SOX5: variants seen among roughly 807,000 people sequenced by gnomAD.
The protein encoded by SOX5 is transcription factor SOX-5.
SOX5 carries 9 observed loss-of-function variants against 92.0 expected under a neutral mutation model. The observed-to-expected ratio is 0.10, with a 90% CI of 0.06 to 0.17. The LOEUF is 0.17. Ranked by LOEUF, SOX5 falls within the 10% of genes least tolerant of loss-of-function variation. SOX5 has a pLI of 1.00. For synonymous variants in SOX5, 344 were observed against 336.3 expected (o/e 1.02, Z -0.25); for missense variants, 642 against 944.5 (o/e 0.68, Z 4.20).
At chr12:23,580,382 A>G (rs1949875165) in intron 9 of SOX5, among the ~76,000 whole-genome samples, 1 of 152,058 alleles carries the variant, frequency 6.6e-6, no homozygotes, top group Non-Finnish European at 1.5e-5. Flanking sequence ...GTGCAATAAA[A>G]TGATGTAATA....
At chr12:23,831,957 T>TAC (rs61053165) in intron 3 of SOX5, among the ~76,000 whole-genome samples, 87 of 142,838 alleles carry the variant, frequency 6.1e-4, no homozygotes, top group Middle Eastern at 3.5e-3. Flanking sequence ...AAAGGGGAAC[T>TAC]ACACACACAC....
At chr12:24,026,424 G>C (rs986275236) in intron 4 of SOX5, among the ~76,000 whole-genome samples, 6 of 151,846 alleles carry the variant, frequency 4.0e-5, no homozygotes, top group Non-Finnish European at 8.8e-5. Flanking sequence ...GTGAGGCCTT[G>C]ACCATAGAGA....
In SOX5 at chr12:24,192,442, T is replaced by C. The variant is rs529764834; in HGVS notation, c.-2+20901A>G. 5.3e-5 allele frequency among the ~76,000 whole-genome samples: 8 copies of C among 152,324 alleles called. No individual in the cohort carries two copies. In the South Asian group the frequency reaches 1.7e-3, roughly 32 times the overall value. Reference sequence around the variant, plus strand: ...TGTGTTTTCTGAACCAGATGAAGTATCTTCGAAAGTAATTCATCAAATGCA... The same window carrying C: ...TGTGTTTTCTGAACCAGATGAAGTACCTTCGAAAGTAATTCATCAAATGCA... On this transcript the variant is annotated intron_variant, in intron 4 of 4. Transcript: ENST00000446891.
intron 2 of SOX5, among the ~76,000 whole-genome samples, chr12:24,318,862 T>C (rs1171770779): frequency 6.6e-6 from 1 of 152,212 alleles, no homozygotes; most frequent in African/African-American, 2.4e-5. Context: ...TTTCATTTGC[T>C]TCCATTGATC....
intron 4 of SOX5, among the ~76,000 whole-genome samples, chr12:23,956,189 T>C (rs545331147): frequency 7.5e-4 from 114 of 152,314 alleles, no homozygotes; most frequent in South Asian, 2.3e-3. Context: ...ACAAATCTTA[T>C]TCATAGTAAA....
chr12:23,870,762 G>T (rs2096863813), intron 2 of SOX5, among the ~76,000 whole-genome samples: 1 of 149,722 alleles, frequency 6.7e-6, no homozygotes, highest in Non-Finnish European at 1.5e-5. Flanking sequence ...GCCATTCCAA[G>T]TGGTTTTGAG....
chr12:24,466,838 G>C (rs1944288424), intron 1 of SOX5, among the ~76,000 whole-genome samples: 1 of 152,138 alleles, frequency 6.6e-6, no homozygotes, highest in African/African-American at 2.4e-5. Context: ...AAGCTCCCCA[G>C]GTAATCTGAT....
chr12:24,128,237 G>A (rs1949301839), intron 4 of SOX5, among the ~76,000 whole-genome samples: 1 of 152,148 alleles, frequency 6.6e-6, no homozygotes, highest in South Asian at 2.1e-4. Flanking sequence ...GTTACTTAAA[G>A]AGGTTACTAA....
At chr12:24,018,956 A>G (rs1257718470) in intron 4 of SOX5, among the ~76,000 whole-genome samples, 1 of 152,144 alleles carries the variant, frequency 6.6e-6, no homozygotes, top group Non-Finnish European at 1.5e-5. Context: ...CAAACACAAT[A>G]TAACATTGAT....
At position 23,640,765 on chromosome 12, in the gene SOX5, C is replaced by T. The variant is rs370429715; in HGVS notation, c.1017+47G>A. ...GCTTTAACACCATAATAGCTGTTTT[C>T]GATATTTACTTAACCTTTGTCTCCT... On this transcript the variant is annotated intron_variant, in intron 8 of 14. Coordinates refer to ENST00000451604, the MANE Select transcript of SOX5 (RefSeq NM_006940.6). The T allele has an allele frequency of 1.3e-5, 18 of 1,371,716 alleles. No homozygotes were observed. In the African/African-American group the frequency reaches 2.0e-4, roughly 15 times the overall value. 85.0% of individuals were successfully genotyped at this position (1,371,716 alleles called of 1,614,324 possible).
At chr12:23,617,923 C>A (rs1352919430) in intron 8 of SOX5, among the ~76,000 whole-genome samples, 1 of 152,152 alleles carries the variant, frequency 6.6e-6, no homozygotes, top group Non-Finnish European at 1.5e-5. Flanking sequence ...CTCCATAAGC[C>A]ATCTTCGTGT....
Position 24,186,898 on chromosome 12 carries a change from C to T in SOX5, c.-2+26445G>A, listed in dbSNP as rs549880171. Among the ~76,000 whole-genome samples the T allele has an allele frequency of 4.0e-5, 6 of 150,466 alleles. No homozygotes were observed. In the East Asian group the frequency reaches 1.2e-3, roughly 29 times the overall value. ...TCCCCTAGGATTTCTCCAATGAACA[C>T]AAAATGCTTTTGTAAAAAAGAAAAC... On this transcript the variant is annotated intron_variant, in intron 4 of 4. Transcript: ENST00000446891.
intron 11 of SOX5, among the ~76,000 whole-genome samples, chr12:23,549,235 T>C (rs1280331622): frequency 6.6e-6 from 1 of 152,000 alleles, no homozygotes; most frequent in Non-Finnish European, 1.5e-5. Context: ...AGCAGAGGGT[T>C]AAGTGGGAAG....
At chr12:24,341,400 C>A (rs1357740469) in intron 2 of SOX5, among the ~76,000 whole-genome samples, 1 of 152,194 alleles carries the variant, frequency 6.6e-6, no homozygotes, top group Non-Finnish European at 1.5e-5. Context: ...ATTGCTTGAG[C>A]CTGGGAGGTG....
intron 11 of SOX5, among the ~76,000 whole-genome samples, chr12:23,546,731 GGA>G (rs1178720525): frequency 6.6e-6 from 1 of 152,100 alleles, no homozygotes; most frequent in African/African-American, 2.4e-5. Flanking sequence ...GAAATTTCAT[GGA>G]AGCAACCTGT....
intron 2 of SOX5, among the ~76,000 whole-genome samples, chr12:24,358,058 G>A (rs771619866): frequency 6.6e-6 from 1 of 152,080 alleles, no homozygotes; most frequent in Non-Finnish European, 1.5e-5. Context: ...TGTGTGGCAC[G>A]TAACGGGCAT....
At chr12:23,900,959 A>AAAAC (rs1258003440) in intron 1 of SOX5, among the ~76,000 whole-genome samples, 1 of 152,168 alleles carries the variant, frequency 6.6e-6, no homozygotes, top group African/African-American at 2.4e-5. Flanking sequence ...ACTCTGTCTC[A>AAAAC]AAACAAACAA....
At chr12:24,270,316 C>T (rs1471879260) in intron 3 of SOX5, among the ~76,000 whole-genome samples, 2 of 152,144 alleles carry the variant, frequency 1.3e-5, no homozygotes, top group Middle Eastern at 3.2e-3. Context: ...GCCTCAGCCT[C>T]CCAAAGTGCT....
chr12:23,587,425 G>A (rs1316678035), intron 9 of SOX5, among the ~76,000 whole-genome samples: 1 of 152,026 alleles, frequency 6.6e-6, no homozygotes, highest in Non-Finnish European at 1.5e-5. Flanking sequence ...ACTTTTCAAA[G>A]CTGCTTCTCT....
Sources: allele counts gnomAD v4.1 joint callset (sites outside exome capture counted in the v4.1 genomes callset), GRCh38; gene constraint gnomAD v4.1.1; transcripts MANE v1.5; gene names NCBI Gene and HGNC (gene_info 2026-07-23, HGNC 2026-07-21).